The following WDPCP variants were observed in gnomAD, a reference collection of about 807,000 sequenced individuals.
WDPCP encodes the protein WD repeat-containing and planar cell polarity effector protein fritz homolog.
In WDPCP, 71 loss-of-function variants were observed where a neutral mutation model predicts 93.1. The ratio of observed to expected loss-of-function variants is 0.76; its 90% CI spans 0.63 to 0.93. The LOEUF (loss-of-function observed/expected upper bound fraction) is 0.93, where lower values mean the gene tolerates loss of function less well. Among genes scored for constraint, WDPCP ranks in the 40% least tolerant of loss-of-function variants. The pLI is 0.00. For synonymous variants in WDPCP, 315 were observed against 315.0 expected, an observed-to-expected ratio of 1.00 and a Z score of 0.00; for missense variants, 844 against 887.4, an observed-to-expected ratio of 0.95 and a Z score of 0.62.
chr2:63,190,172 A>G (rs953228090), intron 14 of WDPCP, among the ~76,000 whole-genome samples: 5 of 152,174 alleles, frequency 3.3e-5, no homozygotes, highest in African/African-American at 1.2e-4. Flanking sequence ...TCACGCCCAT[A>G]ATCCCAGCAG....
chr2:63,298,460 T>C (rs978783671), intron 13 of WDPCP, among the ~76,000 whole-genome samples: 2 of 151,768 alleles, frequency 1.3e-5, no homozygotes, highest in East Asian at 2.0e-4. Flanking sequence ...CATTATCCCA[T>C]TGGCTGCCAG....
chr2:63,194,499 G>A (rs935956854), intron 14 of WDPCP, among the ~76,000 whole-genome samples: 2 of 150,872 alleles, frequency 1.3e-5, no homozygotes, highest in African/African-American at 4.8e-5. Context: ...CTTTTCATTA[G>A]AAAAATAAGT....
chr2:63,397,351 C>G (rs918238396), intron 10 of WDPCP, among the ~76,000 whole-genome samples: 5 of 152,008 alleles, frequency 3.3e-5, no homozygotes, highest in African/African-American at 1.2e-4. Context: ...AAAAGCAGGT[C>G]TGGAGAGAAA....
intron 12 of WDPCP, among the ~76,000 whole-genome samples, chr2:63,333,819 C>T (rs1688158200): frequency 6.6e-6 from 1 of 152,180 alleles, no homozygotes; most frequent in Non-Finnish European, 1.5e-5. Context: ...GCCATGTTCA[C>T]TCATATTTGG....
intron 3 of WDPCP, among the ~76,000 whole-genome samples, chr2:63,646,221 T>C (rs1264979537): frequency 6.6e-6 from 1 of 152,100 alleles, no homozygotes; most frequent in Admixed American, 6.6e-5. Flanking sequence ...TATCTTATAA[T>C]TTATTATTTT....
At chr2:63,752,132 G>A (rs761652008) in intron 2 of WDPCP, 39 of 610,960 alleles carry the variant, frequency 6.4e-5, no homozygotes, top group Admixed American at 2.2e-4. Flanking sequence ...TTCACACGAC[G>A]GTATTTCTGA....
intron 14 of WDPCP, among the ~76,000 whole-genome samples, chr2:63,214,293 C>A (rs1294834613): frequency 6.6e-6 from 1 of 152,146 alleles, no homozygotes; most frequent in Non-Finnish European, 1.5e-5. Context: ...TGGGCTTCAT[C>A]CCTGGGATGC....
At chr2:63,717,381 C>G in intron 2 of WDPCP, 1 of 448,830 alleles carries the variant, frequency 2.2e-6, no homozygotes, top group Non-Finnish European at 4.3e-6. Context: ...AGTTCTTGAT[C>G]CTGATGATAG....
At chr2:63,769,946 C>T (rs886728857) in intron 2 of WDPCP, among the ~76,000 whole-genome samples, 6 of 151,866 alleles carry the variant, frequency 4.0e-5, no homozygotes, top group Non-Finnish European at 7.4e-5. Flanking sequence ...TTATTCAACA[C>T]GGCTCATTCC....
chr2:63,259,189 C>T (rs2104770589), intron 14 of WDPCP, 118 bp downstream of exon 14: 1 of 834,824 alleles, frequency 1.2e-6, no homozygotes, highest in East Asian at 2.6e-5. Flanking sequence ...TTTTATAAGG[C>T]ACTGTCTTTA....
At chr2:63,547,953 T>C (rs1407154634) in intron 1 of WDPCP, among the ~76,000 whole-genome samples, 3 of 152,082 alleles carry the variant, frequency 2.0e-5, no homozygotes, top group African/African-American at 7.2e-5. Context: ...ATTTCTACCA[T>C]AAAGTTAAAT....
chr2:63,807,817 G>C (rs902463084), intron 2 of WDPCP, among the ~76,000 whole-genome samples: 2 of 152,292 alleles, frequency 1.3e-5, no homozygotes, highest in African/African-American at 4.8e-5. Flanking sequence ...GAAAGAACTT[G>C]AAGATTAAAA....
At chr2:63,309,064 A>G (rs537687317) in intron 13 of WDPCP, among the ~76,000 whole-genome samples, 1 of 152,304 alleles carries the variant, frequency 6.6e-6, no homozygotes, top group East Asian at 1.9e-4. Context: ...AATATTGGGT[A>G]CACATGGACA....
intron 1 of WDPCP, among the ~76,000 whole-genome samples, chr2:63,532,399 C>A (rs528884276): frequency 1.3e-5 from 2 of 152,228 alleles, no homozygotes; most frequent in East Asian, 3.9e-4. Context: ...AACCCCAAGA[C>A]ACATAACTGT....
intron 11 of WDPCP, among the ~76,000 whole-genome samples, chr2:63,381,306 A>G (rs1692285536): frequency 6.6e-6 from 1 of 152,108 alleles, no homozygotes; most frequent in South Asian, 2.1e-4. Context: ...CTTCTCTTTT[A>G]AAATTAAACA....
At chr2:63,571,583 A>G in intron 1 of WDPCP, 1 of 471,038 alleles carries the variant, frequency 2.1e-6, no homozygotes, top group South Asian at 1.5e-5. Flanking sequence ...GCCTTCAGAG[A>G]GTTGTGGGTT....
At chr2:63,336,947 G>A (rs980342272) in intron 12 of WDPCP, among the ~76,000 whole-genome samples, 11 of 145,860 alleles carry the variant, frequency 7.5e-5, no homozygotes, top group South Asian at 2.2e-4. Context: ...AGGTTGGAGT[G>A]CAGTGGCATG....
intron 1 of WDPCP, among the ~76,000 whole-genome samples, chr2:63,496,342 G>A (rs1701221230): frequency 6.6e-6 from 1 of 152,180 alleles, no homozygotes; most frequent in Non-Finnish European, 1.5e-5. Context: ...AGAGTGTAGT[G>A]TAGTTTCCAC....
At chr2:63,422,368 G>T (rs1050473997) in intron 9 of WDPCP, among the ~76,000 whole-genome samples, 2 of 152,074 alleles carry the variant, frequency 1.3e-5, no homozygotes, top group Non-Finnish European at 2.9e-5. Flanking sequence ...CAAATCAAAT[G>T]TATTAAAATT....
Sources: gnomAD v4.1 joint callset for allele counts (sites outside exome capture counted in the v4.1 genomes callset) on GRCh38, gnomAD v4.1.1 for gene constraint, MANE v1.5 for transcripts, NCBI Gene and HGNC (gene_info 2026-07-23, HGNC 2026-07-21) for gene names.